Variants in SMARCA2 observed in about 807,000 individuals in gnomAD.
SMARCA2 encodes SWI/SNF related BAF chromatin remodeling complex subunit ATPase 2.
Under a neutral mutation model 199.8 loss-of-function variants are expected in SMARCA2, and 61 were observed. The ratio of observed to expected loss-of-function variants is 0.31; its 90% CI spans 0.25 to 0.38. SMARCA2 has a LOEUF of 0.38. Ranked by LOEUF, SMARCA2 falls within the 10% of genes least tolerant of loss-of-function variation. SMARCA2 has a pLI of 1.00. For missense variants in SMARCA2, 1,344 were observed against 2,012.2 expected, an observed-to-expected ratio of 0.67 and a Z score of 6.35; for synonymous variants, 935 against 732.0, an observed-to-expected ratio of 1.28 and a Z score of -4.48.
At chr9:2,145,586 G>A (rs1489887185) in intron 27 of SMARCA2, among the ~76,000 whole-genome samples, 2 of 152,218 alleles carry the variant, frequency 1.3e-5, no homozygotes, top group Non-Finnish European at 2.9e-5. Flanking sequence ...TAGGGAAGAT[G>A]CAGAGAGTTT....
chr9:2,071,396 T>C (rs1821081108), intron 10 of SMARCA2, among the ~76,000 whole-genome samples: 1 of 152,340 alleles, frequency 6.6e-6, no homozygotes, highest in Non-Finnish European at 1.5e-5. Flanking sequence ...TGGTTAAGAA[T>C]ACTATATATT....
At chr9:2,174,660 C>T (rs980882582) in intron 29 of SMARCA2, among the ~76,000 whole-genome samples, 1 of 152,070 alleles carries the variant, frequency 6.6e-6, no homozygotes. Context: ...TGGCTCACAC[C>T]TGTAATTCCC....
intron 3 of SMARCA2, among the ~76,000 whole-genome samples, chr9:2,036,428 A>C (rs1473404014): frequency 6.6e-6 from 1 of 152,328 alleles, no homozygotes; most frequent in East Asian, 1.9e-4. Flanking sequence ...CTGTCATCCT[A>C]CAGACCAATG....
At chr9:2,030,541 CT>C (rs567112493) in intron 2 of SMARCA2, among the ~76,000 whole-genome samples, 6,320 of 133,438 alleles carry the variant, frequency 0.047, 404 homozygotes, top group African/African-American at 0.16. Context: ...TTTCCTCTAG[CT>C]TTTTTTTTTT....
chr9:2,076,429 C>T (rs370022407), intron 13 of SMARCA2, 100 bp downstream of exon 13: 42 of 754,522 alleles, frequency 5.6e-5, no homozygotes, highest in East Asian at 2.5e-4. Context: ...ACTAACTTCA[C>T]GCCTACACTC....
chr9:2,164,287 T>A (rs762367850), intron 28 of SMARCA2, among the ~76,000 whole-genome samples: 2 of 152,138 alleles, frequency 1.3e-5, no homozygotes, highest in Admixed American at 1.3e-4. Flanking sequence ...GGTAGGAGAT[T>A]ATATGCCTTA....
At chr9:2,159,897 T>A in intron 27 of SMARCA2, 1 of 1,611,592 alleles carries the variant, frequency 6.2e-7, no homozygotes, top group Non-Finnish European at 8.5e-7. Context: ...GCCGGCCTGC[T>A]GATAGTGGTA....
intron 29 of SMARCA2, among the ~76,000 whole-genome samples, chr9:2,177,849 G>A (rs969632491): frequency 2.0e-5 from 3 of 152,214 alleles, no homozygotes; most frequent in Non-Finnish European, 4.4e-5. Context: ...ACCGTGCCCG[G>A]CCAGAGGTAG....
intron 32 of SMARCA2, among the ~76,000 whole-genome samples, chr9:2,190,702 C>T (rs1015911756): frequency 2.0e-5 from 3 of 151,856 alleles, no homozygotes; most frequent in Admixed American, 1.3e-4. Context: ...CATTTTTTTT[C>T]CTGGAAATAA....
intron 27 of SMARCA2, among the ~76,000 whole-genome samples, chr9:2,133,027 A>G (rs1179938167): frequency 1.3e-5 from 2 of 152,168 alleles, no homozygotes; most frequent in Non-Finnish European, 2.9e-5. Flanking sequence ...TTTGATTTTT[A>G]AAACTTTGAT....
At chr9:2,188,197 T>C (rs1036987949) in intron 32 of SMARCA2, among the ~76,000 whole-genome samples, 29 of 152,124 alleles carry the variant, frequency 1.9e-4, no homozygotes, top group Non-Finnish European at 3.7e-4. Context: ...ATATGTATAA[T>C]ACATATTAAC....
At chr9:2,068,518 A>C (rs1820943655) in intron 9 of SMARCA2, among the ~76,000 whole-genome samples, 1 of 152,216 alleles carries the variant, frequency 6.6e-6, no homozygotes, top group Non-Finnish European at 1.5e-5. Flanking sequence ...TTTAAACTTT[A>C]AGTGTTTTCG....
intron 26 of SMARCA2, among the ~76,000 whole-genome samples, chr9:2,122,672 A>G (rs539094514): frequency 3.3e-5 from 5 of 152,226 alleles, no homozygotes; most frequent in South Asian, 2.1e-4. Context: ...GTTTGCGTAG[A>G]TATTTCATTT....
intron 29 of SMARCA2, among the ~76,000 whole-genome samples, chr9:2,176,813 C>G (rs868331867): frequency 6.6e-6 from 1 of 152,114 alleles, no homozygotes; most frequent in African/African-American, 2.4e-5. Context: ...CTGCCTCAGC[C>G]TCCCATAGGG....
intron 19 of SMARCA2, among the ~76,000 whole-genome samples, chr9:2,090,143 G>T (rs1821989336): frequency 6.6e-6 from 1 of 152,100 alleles, no homozygotes; most frequent in Non-Finnish European, 1.5e-5. Flanking sequence ...GGAATTCTTT[G>T]CTTTACAAAA....
At chr9:2,188,819 T>TGGTTCTCAGCAGAGTTCAATTTC (rs1827672266) in intron 32 of SMARCA2, among the ~76,000 whole-genome samples, 1 of 152,208 alleles carries the variant, frequency 6.6e-6, no homozygotes, top group African/African-American at 2.4e-5. Context: ...TTGTTCATCC[T>TGGTTCTCAGCAGAGTTCAATTTC]GGTTCTCAGC....
At chr9:2,050,474 C>T (rs1263244137) in intron 5 of SMARCA2, among the ~76,000 whole-genome samples, 1 of 152,120 alleles carries the variant, frequency 6.6e-6, no homozygotes, top group African/African-American at 2.4e-5. Context: ...ACATGTTTGC[C>T]TGGAAGATGT....
At chr9:2,054,488 A>T (rs1820262355) in intron 5 of SMARCA2, 109 bp from the exon 6 acceptor site, 2 of 1,302,034 alleles carry the variant, frequency 1.5e-6, no homozygotes, top group Non-Finnish European at 2.1e-6. Context: ...CAGTATCTGG[A>T]ATATGTTTTG....
At chr9:2,127,728 A>G (rs1457649617) in intron 27 of SMARCA2, among the ~76,000 whole-genome samples, 1 of 152,226 alleles carries the variant, frequency 6.6e-6, no homozygotes, top group Non-Finnish European at 1.5e-5. Context: ...AATTTTGGTG[A>G]ATATTTAGCC....
Sources: gnomAD v4.1 joint callset for allele counts (sites outside exome capture counted in the v4.1 genomes callset) on GRCh38, gnomAD v4.1.1 for gene constraint, MANE v1.5 for transcripts, NCBI Gene and HGNC (gene_info 2026-07-23, HGNC 2026-07-21) for gene names.